TENM3: variants seen among roughly 807,000 people sequenced by gnomAD.
The protein encoded by TENM3 is teneurin transmembrane protein 3.
A neutral mutation model predicts 255.1 loss-of-function variants in TENM3; 63 were observed. The ratio of observed to expected loss-of-function variants is 0.25; its 90% CI spans 0.20 to 0.30. The LOEUF (loss-of-function observed/expected upper bound fraction) is 0.30, where lower values mean the gene tolerates loss of function less well. Among genes scored for constraint, TENM3 ranks in the 10% least tolerant of loss-of-function variants. The pLI, the probability that TENM3 is intolerant of heterozygous loss-of-function variation, is 1.00. For missense variants in TENM3, 2,929 were observed against 3,461.1 expected (o/e 0.85, Z 3.86); for synonymous variants, 1,306 against 1,322.3 (o/e 0.99, Z 0.27).
At chr4:182,694,165 G>A (rs748439505) in intron 12 of TENM3, among the ~76,000 whole-genome samples, 16 of 151,584 alleles carry the variant, frequency 1.1e-4, no homozygotes, top group African/African-American at 2.4e-4. Flanking sequence ...GCTGGACTGC[G>A]GTGATACGGT....
intron 3 of TENM3, among the ~76,000 whole-genome samples, chr4:182,484,718 G>T (rs1236460040): frequency 6.6e-6 from 1 of 152,054 alleles, no homozygotes; most frequent in African/African-American, 2.4e-5. Flanking sequence ...TAAAAGTTAT[G>T]CAAATTGGTC....
the TENM3 span, among the ~76,000 whole-genome samples, chr4:181,560,446 T>C: frequency 6.6e-6 from 1 of 152,188 alleles, no homozygotes; most frequent in African/African-American, 2.4e-5. Flanking sequence ...TGAAATTATA[T>C]AAACACATGA....
At chr4:181,871,509 G>C in the TENM3 span, among the ~76,000 whole-genome samples, 2 of 151,910 alleles carry the variant, frequency 1.3e-5, no homozygotes, top group African/African-American at 4.8e-5. Context: ...TATGAATAAA[G>C]AGTTTTACTT....
the TENM3 span, among the ~76,000 whole-genome samples, chr4:181,582,879 A>G: frequency 6.6e-6 from 1 of 152,164 alleles, no homozygotes; most frequent in African/African-American, 2.4e-5. Flanking sequence ...GATGTTGTTC[A>G]GTCACCTTTG....
chr4:181,647,714 C>T, the TENM3 span, among the ~76,000 whole-genome samples: 9 of 152,092 alleles, frequency 5.9e-5, no homozygotes, highest in African/African-American at 1.7e-4. Context: ...GGAAAGGACA[C>T]GTCGTGGGAT....
chr4:181,859,026 T>C, the TENM3 span, among the ~76,000 whole-genome samples: 1 of 152,020 alleles, frequency 6.6e-6, no homozygotes, highest in African/African-American at 2.4e-5. Context: ...TGATCTTCAG[T>C]TGAGGGGCGT....
At chr4:182,699,065 T>C (rs575875933) in intron 12 of TENM3, among the ~76,000 whole-genome samples, 1 of 152,364 alleles carries the variant, frequency 6.6e-6, no homozygotes, top group East Asian at 1.9e-4. Context: ...CTTCACGTCC[T>C]TGTTTAGGGT....
the TENM3 span, among the ~76,000 whole-genome samples, chr4:181,505,962 TTTAA>T: frequency 6.6e-6 from 1 of 152,188 alleles, no homozygotes; most frequent in Admixed American, 6.5e-5. Flanking sequence ...CAAATGCTTA[TTTAA>T]TAGGTCAAAA....
chr4:181,799,724 A>C, the TENM3 span, among the ~76,000 whole-genome samples: 32 of 152,188 alleles, frequency 2.1e-4, no homozygotes, highest in African/African-American at 7.0e-4. Flanking sequence ...CTGGGATAAT[A>C]ATAGATGAGT....
chr4:182,194,232 C>T (rs185969075), intron 1 of TENM3, among the ~76,000 whole-genome samples: 12 of 152,012 alleles, frequency 7.9e-5, no homozygotes, highest in Admixed American at 2.6e-4. Context: ...ATCCTTGATC[C>T]GAGCTGCTTT....
At chr4:181,957,378 G>A in the TENM3 span, among the ~76,000 whole-genome samples, 2 of 152,136 alleles carry the variant, frequency 1.3e-5, no homozygotes, top group South Asian at 2.1e-4. Context: ...GCAAGGGGGC[G>A]GATCACAAAG....
chr4:182,219,488 C>A (rs1755718659), intron 1 of TENM3, among the ~76,000 whole-genome samples: 1 of 151,996 alleles, frequency 6.6e-6, no homozygotes, highest in Admixed American at 6.6e-5. Context: ...TATAGTGAGA[C>A]CCCTACCTGT....
At chr4:182,095,990 A>G in the TENM3 span, among the ~76,000 whole-genome samples, 1 of 152,202 alleles carries the variant, frequency 6.6e-6, no homozygotes, top group Admixed American at 6.5e-5. Flanking sequence ...ATATCCAGGC[A>G]CGGTGGCACA....
At chr4:181,641,594 G>T in the TENM3 span, among the ~76,000 whole-genome samples, 14 of 30,204 alleles carry the variant, frequency 4.6e-4, no homozygotes, top group South Asian at 9.0e-4. Flanking sequence ...ATATATATAT[G>T]GTGTGTGTGT....
At chr4:181,687,196 C>T in the TENM3 span, among the ~76,000 whole-genome samples, 10 of 152,198 alleles carry the variant, frequency 6.6e-5, no homozygotes, top group Middle Eastern at 6.8e-3. Flanking sequence ...TTAAATAAGA[C>T]GGACCATTAC....
the TENM3 span, among the ~76,000 whole-genome samples, chr4:181,559,183 C>T: frequency 6.6e-5 from 10 of 151,888 alleles, no homozygotes; most frequent in Non-Finnish European, 1.3e-4. Context: ...CCACTAATGA[C>T]GAAGGGAAAA....
chr4:181,685,904 T>C, the TENM3 span, among the ~76,000 whole-genome samples: 1 of 152,164 alleles, frequency 6.6e-6, no homozygotes, highest in Admixed American at 6.5e-5. Context: ...AGGGAACACG[T>C]TTAATTGTAA....
chr4:182,673,685 G>T (rs925514223), intron 7 of TENM3, among the ~76,000 whole-genome samples: 3 of 152,152 alleles, frequency 2.0e-5, no homozygotes, highest in African/African-American at 7.2e-5. Flanking sequence ...TAAATATGAT[G>T]ACATGAGCTT....
At chr4:181,877,735 G>A in the TENM3 span, among the ~76,000 whole-genome samples, 1 of 152,156 alleles carries the variant, frequency 6.6e-6, no homozygotes, top group Non-Finnish European at 1.5e-5. Flanking sequence ...ACAGCAAGAG[G>A]AAGGAACAAA....
Sources: gnomAD v4.1 joint callset for allele counts (sites outside exome capture counted in the v4.1 genomes callset) on GRCh38, gnomAD v4.1.1 for gene constraint, MANE v1.5 for transcripts, NCBI Gene and HGNC (gene_info 2026-07-23, HGNC 2026-07-21) for gene names.